Variants in AKAP6 observed in about 807,000 individuals in gnomAD.
AKAP6 encodes A-kinase anchoring protein 6, also known as A-kinase anchor protein 6.
A neutral mutation model predicts 188.5 loss-of-function variants in AKAP6; 58 were observed. The observed-to-expected ratio is 0.31, with a 90% confidence interval of 0.25 to 0.38. The LOEUF (loss-of-function observed/expected upper bound fraction) is 0.38. Among genes scored for constraint, AKAP6 ranks in the 10% least tolerant of loss-of-function variants. The probability of loss-of-function intolerance (pLI) is 1.00; values close to 1 mark genes in which losing one functional copy is unlikely to be tolerated. For missense variants in AKAP6, 2,710 were observed against 2,740.0 expected, an observed-to-expected ratio of 0.99 and a Z score of 0.24; for synonymous variants, 989 against 998.6, an observed-to-expected ratio of 0.99 and a Z score of 0.18.
intron 2 of AKAP6, among the ~76,000 whole-genome samples, chr14:32,503,703 G>A (rs1880718088): frequency 6.6e-6 from 1 of 151,248 alleles, no homozygotes; most frequent in South Asian, 2.1e-4. Context: ...TATATATTTG[G>A]GTTTATTTTT....
At chr14:32,686,689 G>A (rs1889939507) in intron 8 of AKAP6, among the ~76,000 whole-genome samples, 1 of 152,184 alleles carries the variant, frequency 6.6e-6, no homozygotes. Flanking sequence ...GGTAGGGGGA[G>A]TATCTGAATG....
chr14:32,450,843 A>G (rs954372479), intron 2 of AKAP6, among the ~76,000 whole-genome samples: 4 of 152,196 alleles, frequency 2.6e-5, no homozygotes, highest in Non-Finnish European at 4.4e-5. Flanking sequence ...ACTGTTAAGA[A>G]TGCTACAATT....
At chr14:32,551,332 G>A (rs1883451358) in intron 4 of AKAP6, among the ~76,000 whole-genome samples, 1 of 152,082 alleles carries the variant, frequency 6.6e-6, no homozygotes, top group Non-Finnish European at 1.5e-5. Flanking sequence ...AGCACTTTGG[G>A]AGGCTGAGGT....
chr14:32,655,320 A>T (rs1160779660), intron 7 of AKAP6, among the ~76,000 whole-genome samples: 1 of 152,198 alleles, frequency 6.6e-6, no homozygotes, highest in Non-Finnish European at 1.5e-5. Context: ...TAGAGCGTAG[A>T]TGCAAGATGT....
rs150051708 is a variant in AKAP6, at chr14:32,391,227, T to A, written c.-34-42233T>A. Among the ~76,000 whole-genome samples, 81 of 152,300 alleles carry A rather than the reference T, an allele frequency of 5.3e-4. 1 individual carries two copies. In the East Asian group the frequency reaches 0.015, roughly 28 times the overall value. ...ATAACATGCAACAGCATTCTCATGTTCAATCTCTAGTGCCTCCTGATTTGG... is the reference window on the plus strand; with the variant it reads ...ATAACATGCAACAGCATTCTCATGTACAATCTCTAGTGCCTCCTGATTTGG... On this transcript the variant is annotated intron_variant, in intron 1 of 13. Coordinates refer to ENST00000280979, the MANE Select transcript of AKAP6 (RefSeq NM_004274.5).
chr14:32,550,569 C>G (rs1017637800), intron 4 of AKAP6, among the ~76,000 whole-genome samples: 1 of 152,208 alleles, frequency 6.6e-6, no homozygotes, highest in African/African-American at 2.4e-5. Flanking sequence ...CCCGCATGCT[C>G]TCCCTTACTA....
chr14:32,644,482 G>C (rs778316058), intron 7 of AKAP6, among the ~76,000 whole-genome samples: 2 of 152,136 alleles, frequency 1.3e-5, no homozygotes, highest in African/African-American at 2.4e-5. Context: ...TTTGATCTCT[G>C]TAAATAGTGC....
At chr14:32,813,699 C>G (rs1040056807) in intron 12 of AKAP6, among the ~76,000 whole-genome samples, 1 of 152,128 alleles carries the variant, frequency 6.6e-6, no homozygotes, top group Non-Finnish European at 1.5e-5. Flanking sequence ...GGCAGCCCCT[C>G]CAGTGAACCT....
chr14:32,652,989 G>T (rs1888296698), intron 7 of AKAP6, among the ~76,000 whole-genome samples: 1 of 152,136 alleles, frequency 6.6e-6, no homozygotes, highest in Admixed American at 6.5e-5. Context: ...AGAGGTCAAG[G>T]CTGCAGTGAA....
At chr14:32,542,293 A>G (rs1882990583) in intron 3 of AKAP6, among the ~76,000 whole-genome samples, 1 of 152,188 alleles carries the variant, frequency 6.6e-6, no homozygotes, top group African/African-American at 2.4e-5. Context: ...GCATAGAGAG[A>G]CATTCTAAAA....
intron 12 of AKAP6, among the ~76,000 whole-genome samples, chr14:32,819,328 C>A (rs1469542747): frequency 6.6e-6 from 1 of 152,080 alleles, no homozygotes; most frequent in Non-Finnish European, 1.5e-5. Flanking sequence ...TTGTGTGGTA[C>A]CCTTTAACTA....
chr14:32,386,983 G>C (rs1011352916), intron 1 of AKAP6, among the ~76,000 whole-genome samples: 3 of 152,072 alleles, frequency 2.0e-5, no homozygotes, highest in Non-Finnish European at 4.4e-5. Flanking sequence ...TTTTATACCA[G>C]TACCATGTTG....
At chr14:32,495,912 G>A (rs933734090) in intron 2 of AKAP6, among the ~76,000 whole-genome samples, 22 of 152,088 alleles carry the variant, frequency 1.4e-4, no homozygotes, top group African/African-American at 5.3e-4. Flanking sequence ...GTTTGTGCCC[G>A]TATCAGTGTA....
intron 2 of AKAP6, among the ~76,000 whole-genome samples, chr14:32,510,449 T>TACAC (rs1555335172): frequency 9.3e-5 from 2 of 21,502 alleles, no homozygotes; most frequent in African/African-American, 2.2e-4. Context: ...TATATATATA[T>TACAC]ACATATATAT....
At chr14:32,474,423 T>C (rs1878949094) in intron 2 of AKAP6, 1 of 152,212 alleles carries the variant, frequency 6.6e-6, no homozygotes, top group African/African-American at 2.4e-5. Flanking sequence ...AAATTGCTGT[T>C]TTTGTGGGTC....
intron 2 of AKAP6, among the ~76,000 whole-genome samples, chr14:32,444,393 A>G (rs1469830511): frequency 4.6e-5 from 7 of 152,106 alleles, no homozygotes; most frequent in African/African-American, 1.2e-4. Context: ...GTCACTTGGT[A>G]TTAGGGCTGA....
intron 7 of AKAP6, among the ~76,000 whole-genome samples, chr14:32,603,915 T>TA (rs1190302235): frequency 1.3e-5 from 2 of 151,826 alleles, no homozygotes; most frequent in African/African-American, 4.8e-5. Flanking sequence ...TTATTATAAA[T>TA]AAAAAAATAA....
intron 4 of AKAP6, among the ~76,000 whole-genome samples, chr14:32,550,496 C>T (rs750919065): frequency 6.6e-6 from 1 of 152,154 alleles, no homozygotes; most frequent in Non-Finnish European, 1.5e-5. Flanking sequence ...TGTTTGATGA[C>T]ATATAAATGG....
chr14:32,606,955 G>C (rs1261848891), intron 7 of AKAP6, among the ~76,000 whole-genome samples: 2 of 152,078 alleles, frequency 1.3e-5, no homozygotes, highest in Non-Finnish European at 2.9e-5. Context: ...ATACCCAACT[G>C]ACCTTTATTT....
Sources: allele counts gnomAD v4.1 joint callset (sites outside exome capture counted in the v4.1 genomes callset), GRCh38; gene constraint gnomAD v4.1.1; transcripts MANE v1.5; gene names NCBI Gene and HGNC (gene_info 2026-07-23, HGNC 2026-07-21).